BRDT: variants seen among roughly 807,000 people sequenced by gnomAD.
BRDT encodes bromodomain testis associated.
Under a neutral mutation model 113.9 loss-of-function variants are expected in BRDT, and 77 were observed. The observed-to-expected ratio is 0.68, with a 90% confidence interval of 0.56 to 0.82. The LOEUF (loss-of-function observed/expected upper bound fraction) is 0.82. Ranked by LOEUF, BRDT falls within the 40% of genes least tolerant of loss-of-function variation. The pLI is 0.00. For missense variants in BRDT, 1,027 were observed against 1,105.4 expected (o/e 0.93, Z 1.01); for synonymous variants, 358 against 366.5 (o/e 0.98, Z 0.26).
At chr1:91,968,296 C>CT (rs753146789) in intron 4 of BRDT, 36 bp downstream of exon 4, 14 of 1,602,538 alleles carry the variant, frequency 8.7e-6, no homozygotes, top group Non-Finnish European at 1.2e-5. Flanking sequence ...GGTTCTCTCT[C>CT]TTTTTTTCCC....
rs758328051 is a variant in BRDT at position 91,979,570 on chromosome 1, A to T, written c.1100A>T (p.Asp367Val). 1 of 1,606,372 alleles carries T rather than the reference A, an allele frequency of 6.2e-7. No individual in the cohort carries two copies. Among genetic ancestry groups the T allele is most frequent in the African/African-American group, 1.3e-5 (1 of 74,450 alleles). The change falls in exon 8 of 19, where the codon GAT becomes GTT. Residue 367 changes from aspartate to valine, a missense_variant and splice_region_variant. By Grantham distance (152) the Asp-to-Val change is radical. Coordinates refer to ENST00000399546, the MANE Select transcript of BRDT (RefSeq NM_207189.4). ...TAACAAACTAATTTTTCATTACAGG[A>T]TGTTTTCGAAACGCATTTTTCAAAG... ...EVVTMARMLQ[D>V]VFETHFSKIP...
In BRDT at chr1:91,962,850, T is replaced by C; in HGVS notation, c.96T>C (p.Leu32=). ...AAAATGGGCGATTGACAAATCAACT[T>C]CAGTATCTACAAAAAGTTGTCCTAA... The part of the protein sequence containing the change: ...TKKNGRLTNQ[L]QYLQKVVLKD... Residue 32 remains leucine, a synonymous_variant, in exon 2 of 19, where the codon CTT becomes CTC. Coordinates refer to ENST00000399546, the MANE Select transcript of BRDT (RefSeq NM_207189.4). 6.2e-7 allele frequency: 1 copy of C among 1,613,206 alleles called. No homozygotes were observed. Among genetic ancestry groups the C allele is most frequent in the Non-Finnish European group, 8.5e-7 (1 of 1,179,688 alleles).
At chr1:91,963,776 C>T (rs1289248809) in intron 2 of BRDT, among the ~76,000 whole-genome samples, 16 of 132,190 alleles carry the variant, frequency 1.2e-4, no homozygotes, top group African/African-American at 4.1e-4. Flanking sequence ...TACCTTTGTT[C>T]ATCTTTATTG....
intron 12 of BRDT, among the ~76,000 whole-genome samples, chr1:91,990,516 A>G (rs547946187): frequency 6.6e-6 from 1 of 152,272 alleles, no homozygotes; most frequent in South Asian, 2.1e-4. Context: ...AGCATAATGG[A>G]TGCTGCTTGT....
intron 15 of BRDT, among the ~76,000 whole-genome samples, chr1:91,997,399 G>A (rs376945020): frequency 2.0e-5 from 3 of 152,016 alleles, no homozygotes; most frequent in African/African-American, 7.2e-5. Context: ...TTGGAGGAGT[G>A]GGCAAGATTA....
intron 15 of BRDT, among the ~76,000 whole-genome samples, chr1:91,995,397 ACTATT>A (rs1686201766): frequency 6.9e-6 from 1 of 144,030 alleles, no homozygotes. Flanking sequence ...AAATCTCCCT[ACTATT>A]CTGTGTGTGT....
At chr1:91,986,883 C>T (rs915138879) in intron 12 of BRDT, among the ~76,000 whole-genome samples, 7 of 151,680 alleles carry the variant, frequency 4.6e-5, no homozygotes, top group Non-Finnish European at 7.4e-5. Flanking sequence ...GCCATTCAAA[C>T]TAGAAAGCTA....
intron 18 of BRDT, among the ~76,000 whole-genome samples, chr1:92,006,274 G>C (rs754604101): frequency 6.6e-6 from 1 of 151,900 alleles, no homozygotes; most frequent in East Asian, 1.9e-4. Flanking sequence ...CTTTACTTCT[G>C]GTAAGAATTA....
intron 5 of BRDT, 38 bp downstream of exon 5, chr1:91,976,476 C>T (rs370364051): frequency 2.0e-6 from 3 of 1,478,922 alleles, no homozygotes; most frequent in Non-Finnish European, 2.7e-6. Context: ...TGCTTTTTAA[C>T]ACTGGATTTT....
chr1:91,967,310 C>T (rs1449203054), intron 3 of BRDT, among the ~76,000 whole-genome samples: 1 of 151,820 alleles, frequency 6.6e-6, no homozygotes, highest in Non-Finnish European at 1.5e-5. Flanking sequence ...AATCTCAGCT[C>T]ACCACAACCT....
chr1:91,989,073 C>T (rs2101725076), intron 12 of BRDT, among the ~76,000 whole-genome samples: 1 of 152,230 alleles, frequency 6.6e-6, no homozygotes, highest in African/African-American at 2.4e-5. Flanking sequence ...GCTGGGATTA[C>T]AGGCGTAAGC....
intron 1 of BRDT, among the ~76,000 whole-genome samples, chr1:91,961,372 G>A (rs1682423705): frequency 6.6e-6 from 1 of 152,002 alleles, no homozygotes; most frequent in South Asian, 2.1e-4. Context: ...GCTCAAGGCT[G>A]TAATCTCAGC....
rs138872037 is a variant in BRDT at position 91,978,246 on chromosome 1, A to G, written c.1048A>G (p.Lys350Glu). The G allele has an allele frequency of 4.7e-4, 764 of 1,614,034 alleles. No homozygotes were observed. Among genetic ancestry groups the G allele is most frequent in the Non-Finnish European group, 6.3e-4 (741 of 1,180,012 alleles). The stretch of plus-strand genomic sequence containing the variant: ...TAGATTAATGTTCATGAATTGCTAC[A>G]AGTACAATCCTCCAGATCACGAAGT... ...DVRLMFMNCYKYNPPDHEVVT... is the reference protein window; with the variant it reads ...DVRLMFMNCYEYNPPDHEVVT... The change falls in exon 7 of 19, where the codon AAG (lysine) becomes GAG (glutamate). Residue 350 changes from lysine (K) to glutamate (E), a missense_variant. Lys to Glu is a moderately conservative substitution (Grantham distance 56). Transcript: ENST00000399546.
intron 4 of BRDT, among the ~76,000 whole-genome samples, chr1:91,974,857 C>G (rs1381516647): frequency 6.6e-6 from 1 of 152,114 alleles, no homozygotes; most frequent in Non-Finnish European, 1.5e-5. Flanking sequence ...GCACTATTCA[C>G]AATAGCAAAG....
chr1:91,962,554 G>A (rs965404427), intron 1 of BRDT, among the ~76,000 whole-genome samples, 164 bp from the exon 2 acceptor site: 1 of 151,956 alleles, frequency 6.6e-6, no homozygotes, highest in East Asian at 1.9e-4. Flanking sequence ...GGCTGGTCTC[G>A]AACTCCTGAC....
At chr1:91,978,727 G>A (rs539689923) in intron 7 of BRDT, among the ~76,000 whole-genome samples, 6 of 152,188 alleles carry the variant, frequency 3.9e-5, no homozygotes, top group East Asian at 1.9e-4. Context: ...CTGGCCCGGC[G>A]CGGTGGCTCA....
chr1:91,983,694 GTT>G (rs142222268), intron 12 of BRDT, among the ~76,000 whole-genome samples: 11 of 139,452 alleles, frequency 7.9e-5, no homozygotes, highest in Admixed American at 1.4e-4. Context: ...TGTTTTTTTG[GTT>G]TTTTTTTTTT....
At chr1:91,976,143 G>C in intron 4 of BRDT, 123 bp from the exon 5 acceptor site, 2 of 924,924 alleles carry the variant, frequency 2.2e-6, no homozygotes, top group South Asian at 2.8e-5. Context: ...ATTTCAAAAT[G>C]AAATAAGTAT....
intron 4 of BRDT, 106 bp from the exon 5 acceptor site, chr1:91,976,160 C>A: frequency 2.7e-6 from 3 of 1,099,812 alleles, no homozygotes; most frequent in Non-Finnish European, 3.7e-6. Flanking sequence ...GTATCCTATG[C>A]TTATATTGCT....
Sources: allele counts gnomAD v4.1 joint callset (sites outside exome capture counted in the v4.1 genomes callset), GRCh38; gene constraint gnomAD v4.1.1; transcripts MANE v1.5; gene names NCBI Gene and HGNC (gene_info 2026-07-23, HGNC 2026-07-21).